AGBL1: variants seen among roughly 807,000 people sequenced by gnomAD.
AGBL1 encodes cytosolic carboxypeptidase 4.
A neutral mutation model predicts 118.9 loss-of-function variants in AGBL1; 130 were observed. That is an observed-to-expected ratio of 1.09 (90% CI 0.95 to 1.26). The LOEUF is 1.26. Ranked by LOEUF, AGBL1 falls within the 50% of genes most tolerant of loss-of-function variation. The pLI, the probability that AGBL1 is intolerant of heterozygous loss-of-function variation, is 0.00. For synonymous variants in AGBL1, 555 were observed against 478.9 expected (o/e 1.16, Z -2.08); for missense variants, 1,584 against 1,298.1 (o/e 1.22, Z -3.38).
intron 16 of AGBL1, among the ~76,000 whole-genome samples, chr15:86,282,288 A>G (rs1235711108): frequency 6.6e-6 from 1 of 152,186 alleles, no homozygotes; most frequent in Non-Finnish European, 1.5e-5. Context: ...TGAGAGGGAA[A>G]GAGAGGCCTT....
At chr15:86,106,488 A>C (rs540882034) in intron 1 of AGBL1, among the ~76,000 whole-genome samples, 5 of 152,308 alleles carry the variant, frequency 3.3e-5, no homozygotes, top group African/African-American at 1.2e-4. Context: ...TTCCAGGGCA[A>C]TTTTGCCCCC....
intron 17 of AGBL1, among the ~76,000 whole-genome samples, chr15:86,390,256 G>T (rs1459565244): frequency 6.6e-6 from 1 of 152,086 alleles, no homozygotes; most frequent in Non-Finnish European, 1.5e-5. Context: ...ATAAAGAATT[G>T]ACAACATAAT....
At chr15:86,634,035 A>G (rs1473995207) in intron 21 of AGBL1, among the ~76,000 whole-genome samples, 1 of 151,914 alleles carries the variant, frequency 6.6e-6, no homozygotes, top group Non-Finnish European at 1.5e-5. Context: ...ACCCATTAAA[A>G]TGGCTGAAAT....
chr15:86,505,548 A>T (rs1389062901), intron 18 of AGBL1, among the ~76,000 whole-genome samples: 2 of 151,886 alleles, frequency 1.3e-5, no homozygotes, highest in African/African-American at 4.8e-5. Context: ...TCTGTTGAGG[A>T]TCTGTAGTGA....
chr15:86,605,787 G>A (rs1242076383), intron 21 of AGBL1, among the ~76,000 whole-genome samples: 4 of 151,944 alleles, frequency 2.6e-5, no homozygotes, highest in Non-Finnish European at 5.9e-5. Context: ...GTGCATGTGT[G>A]TATGTTGTGT....
chr15:86,592,687 T>C (rs12441264), intron 21 of AGBL1, among the ~76,000 whole-genome samples: 50,689 of 152,120 alleles, frequency 0.33, 9,725 homozygotes, highest in Middle Eastern at 0.44. Context: ...TTTTGTCTCT[T>C]AGTAGACATG....
rs1366470576 is a variant in AGBL1, at chr15:86,908,826, T to C, written c.*1532T>C. ...AGGCTGTTTTAGATGTCATGTGTAT[T>C]AGTTAGGATTAGGTTTAGCTGCAAG... On this transcript the variant is annotated 3_prime_UTR_variant, in exon 23 of 23. Coordinates refer to ENST00000614907, the MANE Select transcript of AGBL1 (RefSeq NM_001386094.1). 1 of 152,194 alleles carries C rather than the reference T, an allele frequency of 6.6e-6. No individual in the cohort carries two copies. Among genetic ancestry groups the C allele is most frequent in the Non-Finnish European group, 1.5e-5 (1 of 68,022 alleles). 9.4% of individuals were successfully genotyped at this position (152,194 alleles called of 1,614,324 possible).
rs533083188 is a variant in AGBL1, at chr15:86,577,922, G to A, written c.2994+23385G>A. Among the ~76,000 whole-genome samples, 6 of 152,306 alleles carry A rather than the reference G, an allele frequency of 3.9e-5. No homozygotes were observed. The South Asian group carries it at 1.0e-3, about 26-fold the overall frequency. ...GGTAGAAGTTTGCTGCAGGGGCAGG[G>A]CTCTCATGGAAAACTTCTGCTAGGG... is the stretch of plus-strand genomic sequence containing the variant. On this transcript the variant is annotated intron_variant, in intron 21 of 22. Transcript: ENST00000614907.
intron 24 of AGBL1, among the ~76,000 whole-genome samples, chr15:87,021,577 A>C (rs2081665172): frequency 6.6e-6 from 1 of 152,152 alleles, no homozygotes; most frequent in Non-Finnish European, 1.5e-5. Flanking sequence ...AATAGGAGAA[A>C]ATTTTTGCAA....
intron 22 of AGBL1, among the ~76,000 whole-genome samples, chr15:86,777,607 C>T (rs1288375717): frequency 6.6e-6 from 1 of 152,060 alleles, no homozygotes; most frequent in African/African-American, 2.4e-5. Flanking sequence ...AATTACCATC[C>T]ATGTAGATAT....
At chr15:86,266,243 A>C in intron 11 of AGBL1, 131 bp from the exon 12 acceptor site, 2 of 541,734 alleles carry the variant, frequency 3.7e-6, no homozygotes, top group Non-Finnish European at 6.6e-6. Context: ...CTCAAAGTTG[A>C]GGTGTTATTA....
chr15:86,302,369 C>G (rs1260543303), intron 17 of AGBL1, among the ~76,000 whole-genome samples: 1 of 151,942 alleles, frequency 6.6e-6, no homozygotes, highest in African/African-American at 2.4e-5. Flanking sequence ...GTGCCAATGC[C>G]ATTGATTTAC....
intron 22 of AGBL1, among the ~76,000 whole-genome samples, chr15:86,728,184 G>A (rs906815410): frequency 6.6e-6 from 1 of 152,150 alleles, no homozygotes; most frequent in African/African-American, 2.4e-5. Context: ...GATAAGTGAG[G>A]TCCAGCAAAA....
At position 86,718,441 on chromosome 15, in the gene AGBL1, C is replaced by T. The variant is rs145655578; in HGVS notation, c.3158+44005C>T. On this transcript the variant is annotated intron_variant, in intron 22 of 22. Transcript: ENST00000614907. ...TAGGAGGTATATCTAATGTAAATGACGAGTTAATGGGTGCAGTACACCAAC... is the reference window on the plus strand; with the variant it reads ...TAGGAGGTATATCTAATGTAAATGATGAGTTAATGGGTGCAGTACACCAAC... Among the ~76,000 whole-genome samples, 448 of 152,058 alleles carry T rather than the reference C, an allele frequency of 2.9e-3. 1 individual carries two copies. The highest frequency in any genetic ancestry group is 9.6e-3 in the African/African-American group (398 of 41,450).
chr15:86,735,164 C>A (rs968999525), intron 22 of AGBL1, among the ~76,000 whole-genome samples: 7 of 152,026 alleles, frequency 4.6e-5, no homozygotes, highest in African/African-American at 1.2e-4. Flanking sequence ...TCACTACAAC[C>A]TCCGCCTCCT....
At chr15:86,866,090 T>C (rs2079624973) in intron 22 of AGBL1, among the ~76,000 whole-genome samples, 1 of 152,196 alleles carries the variant, frequency 6.6e-6, no homozygotes. Flanking sequence ...GCCATTCTTT[T>C]TGGCTCCCTT....
chr15:86,819,380 GA>G (rs920989239), intron 22 of AGBL1, among the ~76,000 whole-genome samples: 2 of 152,004 alleles, frequency 1.3e-5, no homozygotes, highest in Admixed American at 1.3e-4. Flanking sequence ...ATATTAATAA[GA>G]AAACCCCATT....
chr15:86,245,832 T>C (rs984764999), intron 6 of AGBL1, among the ~76,000 whole-genome samples: 5 of 152,234 alleles, frequency 3.3e-5, no homozygotes, highest in Non-Finnish European at 4.4e-5. Context: ...ATCCTCTTGT[T>C]GAACATCCTT....
At chr15:86,315,243 A>G (rs1267404352) in intron 17 of AGBL1, among the ~76,000 whole-genome samples, 1 of 152,198 alleles carries the variant, frequency 6.6e-6, no homozygotes, top group Non-Finnish European at 1.5e-5. Context: ...GTCAAGAGTT[A>G]TAGCTCAGGT....
Sources: gnomAD v4.1 joint callset for allele counts (sites outside exome capture counted in the v4.1 genomes callset) on GRCh38, gnomAD v4.1.1 for gene constraint, MANE v1.5 for transcripts, NCBI Gene and HGNC (gene_info 2026-07-23, HGNC 2026-07-21) for gene names.